The following CFAP299 variants were observed in gnomAD, a reference collection of about 807,000 sequenced individuals.
CFAP299 encodes cilia- and flagella-associated protein 299.
A neutral mutation model predicts 27.0 loss-of-function variants in CFAP299; 21 were observed. The observed-to-expected ratio is 0.78, with a 90% confidence interval of 0.55 to 1.12. CFAP299 has a LOEUF of 1.12. Ranked by LOEUF, CFAP299 falls within the 50% of genes most tolerant of loss-of-function variation. CFAP299 has a pLI of 0.00. For missense variants in CFAP299, 310 were observed against 276.6 expected (o/e 1.12, Z -0.86); for synonymous variants, 104 against 98.1 (o/e 1.06, Z -0.36).
At chr4:80,930,416 A>C (rs1475302994) in intron 4 of CFAP299, among the ~76,000 whole-genome samples, 2 of 152,164 alleles carry the variant, frequency 1.3e-5, no homozygotes, top group African/African-American at 4.8e-5. Context: ...TTAATAGCTA[A>C]TCAGTTGGAA....
chr4:80,395,431 A>G (rs1725726887), intron 2 of CFAP299, among the ~76,000 whole-genome samples: 1 of 152,072 alleles, frequency 6.6e-6, no homozygotes. Context: ...TAAAGCTTCC[A>G]GAAGTATATT....
chr4:80,442,851 G>A (rs1229476956), intron 2 of CFAP299, among the ~76,000 whole-genome samples: 2 of 151,914 alleles, frequency 1.3e-5, no homozygotes, highest in Admixed American at 1.3e-4. Context: ...AAAGATAAAG[G>A]GGAGATCACC....
At chr4:80,958,874 G>C (rs76790169) in intron 5 of CFAP299, among the ~76,000 whole-genome samples, 6,205 of 152,194 alleles carry the variant, frequency 0.041, 241 homozygotes, top group East Asian at 0.14. Context: ...GAGGTTCTAA[G>C]ACTGTTCTTT....
intron 3 of CFAP299, among the ~76,000 whole-genome samples, chr4:80,836,455 C>T (rs577181115): frequency 6.6e-6 from 1 of 152,260 alleles, no homozygotes; most frequent in East Asian, 1.9e-4. Flanking sequence ...TATCTAGCTT[C>T]TAGAGGTTGC....
rs578004552 is a variant in CFAP299, at chr4:80,685,392, T to A, written c.333+102209T>A. On this transcript the variant is annotated intron_variant, in intron 3 of 5. Coordinates refer to ENST00000358105, the MANE Select transcript of CFAP299 (RefSeq NM_152770.3). ...TGCACAGGGAAATGTGACCCTGTGC[T>A]TGGGAACTGAAACCTTGCCAATTGC... is the stretch of plus-strand genomic sequence containing the variant. Among the ~76,000 whole-genome samples the A allele has an allele frequency of 3.3e-3, 500 of 152,186 alleles. 12 individuals are homozygous for A. The highest frequency in any genetic ancestry group is 5.1e-4 in the Non-Finnish European group (35 of 68,010).
Position 80,668,771 on chromosome 4 carries a change from GACTTTGACTACTT to G in CFAP299, c.333+85601_333+85613del, listed in dbSNP as rs1741279184. Among the ~76,000 whole-genome samples, 6 of 152,152 alleles carry G rather than the reference GACTTTGACTACTT, an allele frequency of 3.9e-5. No homozygotes were observed. The South Asian group carries it at 1.2e-3, about 32-fold the overall frequency. ...GCTTTGTTCTTTTTGCTCAGGAAAA[GACTTTGACTACTT>G]ACTTTGACTACTCGAAGTCTTCTGG... On this transcript the variant is annotated intron_variant, in intron 3 of 5. Transcript: ENST00000358105.
At chr4:80,708,498 G>A (rs920026473) in intron 3 of CFAP299, among the ~76,000 whole-genome samples, 1 of 151,850 alleles carries the variant, frequency 6.6e-6, no homozygotes, top group African/African-American at 2.4e-5. Context: ...TATACTCTTC[G>A]TATACAAATT....
At chr4:80,776,413 T>C (rs1474991936) in intron 3 of CFAP299, among the ~76,000 whole-genome samples, 2 of 152,120 alleles carry the variant, frequency 1.3e-5, no homozygotes, top group African/African-American at 2.4e-5. Flanking sequence ...GAATTAATAC[T>C]GTGAAACTAT....
intron 3 of CFAP299, among the ~76,000 whole-genome samples, chr4:80,622,448 A>G (rs1468508786): frequency 6.6e-6 from 1 of 152,150 alleles, no homozygotes; most frequent in Non-Finnish European, 1.5e-5. Context: ...TCTGTTTCAA[A>G]ACTCAGTACA....
At chr4:80,386,900 G>A (rs914596888) in intron 2 of CFAP299, 1 of 843,972 alleles carries the variant, frequency 1.2e-6, no homozygotes, top group Admixed American at 1.7e-5. Context: ...AGCATTTGTA[G>A]GGCTTCTCGC....
chr4:80,423,587 A>G (rs1220957093), intron 2 of CFAP299, among the ~76,000 whole-genome samples: 1 of 152,030 alleles, frequency 6.6e-6, no homozygotes, highest in African/African-American at 2.4e-5. Flanking sequence ...CCCCTATTCC[A>G]TGCATGGAGC....
intron 2 of CFAP299, among the ~76,000 whole-genome samples, chr4:80,534,705 C>G (rs373193340): frequency 6.6e-6 from 1 of 151,772 alleles, no homozygotes; most frequent in African/African-American, 2.4e-5. Flanking sequence ...AATGATAGGC[C>G]CATATGACAC....
chr4:80,364,076 G>C (rs949047725), intron 2 of CFAP299, among the ~76,000 whole-genome samples: 1 of 5,404 alleles, frequency 1.9e-4, no homozygotes, highest in Non-Finnish European at 2.8e-4. Flanking sequence ...AACAGAGCGA[G>C]ACTCCGTCTC....
chr4:80,427,487 T>G (rs188037851), intron 2 of CFAP299, among the ~76,000 whole-genome samples: 1 of 152,224 alleles, frequency 6.6e-6, no homozygotes, highest in South Asian at 2.1e-4. Flanking sequence ...TGAAGTCTTC[T>G]TAACCTGAAT....
At chr4:80,760,496 C>T (rs554475392) in intron 3 of CFAP299, among the ~76,000 whole-genome samples, 96 of 152,236 alleles carry the variant, frequency 6.3e-4, no homozygotes, top group African/African-American at 2.1e-3. Context: ...TAACTTTAAC[C>T]AAGAGCTATA....
At chr4:80,957,520 T>C (rs1295876869) in intron 5 of CFAP299, among the ~76,000 whole-genome samples, 2 of 152,114 alleles carry the variant, frequency 1.3e-5, no homozygotes, top group Non-Finnish European at 2.9e-5. Context: ...TACAACTGAT[T>C]CCAGAGAATT....
chr4:80,472,754 T>C (rs1730070150), intron 2 of CFAP299, among the ~76,000 whole-genome samples: 1 of 152,184 alleles, frequency 6.6e-6, no homozygotes, highest in African/African-American at 2.4e-5. Flanking sequence ...GCAACATGCA[T>C]TTAATCCAAA....
At chr4:80,327,889 T>C in the CFAP299 span, among the ~76,000 whole-genome samples, 1 of 151,174 alleles carries the variant, frequency 6.6e-6, no homozygotes, top group Non-Finnish European at 1.5e-5. Flanking sequence ...GGTGGTGGAA[T>C]TAAAAAGTTA....
intron 3 of CFAP299, among the ~76,000 whole-genome samples, chr4:80,662,781 T>C (rs1740927744): frequency 6.6e-6 from 1 of 152,036 alleles, no homozygotes; most frequent in South Asian, 2.1e-4. Context: ...AGGACAGAGA[T>C]GAGAGAAATG....
Sources: gnomAD v4.1 joint callset for allele counts (sites outside exome capture counted in the v4.1 genomes callset) on GRCh38, gnomAD v4.1.1 for gene constraint, MANE v1.5 for transcripts, NCBI Gene and HGNC (gene_info 2026-07-23, HGNC 2026-07-21) for gene names.